Variants in INPP5F observed in about 807,000 individuals in gnomAD.
The protein encoded by INPP5F is phosphatidylinositide 4-phosphatase SAC2.
Under a neutral mutation model 137.2 loss-of-function variants are expected in INPP5F, and 97 were observed. That is an observed-to-expected ratio of 0.71 (90% CI 0.60 to 0.84). The LOEUF (loss-of-function observed/expected upper bound fraction) is 0.84. Among genes scored for constraint, INPP5F ranks in the 40% least tolerant of loss-of-function variants. INPP5F has a pLI of 0.00. For missense variants in INPP5F, 1,271 were observed against 1,371.9 expected, an observed-to-expected ratio of 0.93 and a Z score of 1.16; for synonymous variants, 504 against 476.9, an observed-to-expected ratio of 1.06 and a Z score of -0.74.
chr10:119,742,095 T>G (rs1406804430), intron 1 of INPP5F, among the ~76,000 whole-genome samples: 1 of 152,148 alleles, frequency 6.6e-6, no homozygotes, highest in Non-Finnish European at 1.5e-5. Flanking sequence ...AATGCTGGGT[T>G]TACAGGCATA....
intron 3 of INPP5F, among the ~76,000 whole-genome samples, chr10:119,785,459 G>C (rs1849862657): frequency 6.7e-6 from 1 of 149,172 alleles, no homozygotes; most frequent in African/African-American, 2.5e-5. Context: ...CTCATTTTTT[G>C]TATTTTTAGC....
At chr10:119,817,762 A>G (rs906216421) in intron 15 of INPP5F, among the ~76,000 whole-genome samples, 4 of 152,222 alleles carry the variant, frequency 2.6e-5, no homozygotes, top group African/African-American at 7.2e-5. Context: ...CGATTATGCA[A>G]CTACAGGGAT....
rs1401920781 is a variant in INPP5F, at chr10:119,794,842, G to A, written c.670-1873G>A. 6.2e-5 allele frequency among the ~76,000 whole-genome samples: 7 copies of A among 112,672 alleles called. 1 individual carries two copies. The highest frequency in any genetic ancestry group is 1.6e-4 in the Admixed American group (2 of 12,290). The allele number at this position is 112,672 out of a possible 152,430, so 73.9% of individuals were successfully genotyped here. On this transcript the variant is annotated intron_variant, in intron 6 of 19. Coordinates refer to ENST00000650623, the MANE Select transcript of INPP5F (RefSeq NM_014937.4). ...TCCCAGAAGGGGCGGCTGGCCGGGC[G>A]GGGGTCTGACCCCCTCCCCACCTCC...
intron 15 of INPP5F, among the ~76,000 whole-genome samples, chr10:119,812,603 A>C (rs1851086428): frequency 6.6e-6 from 1 of 152,192 alleles, no homozygotes; most frequent in Non-Finnish European, 1.5e-5. Context: ...GTGTGTTTTT[A>C]GTAAGAGGGG....
At chr10:119,806,157 A>G (rs750076276) in intron 11 of INPP5F, among the ~76,000 whole-genome samples, 1 of 151,516 alleles carries the variant, frequency 6.6e-6, no homozygotes, top group African/African-American at 2.4e-5. Context: ...TTTCCTTAAG[A>G]TGAGGATAAT....
chr10:119,796,436 C>T (rs1383424072), intron 6 of INPP5F, among the ~76,000 whole-genome samples: 2 of 152,122 alleles, frequency 1.3e-5, no homozygotes, highest in African/African-American at 4.8e-5. Context: ...AGAAGGACAG[C>T]GACGGCAAGG....
chr10:119,745,402 CA>C lies in INPP5F; in HGVS notation c.98-5672del, dbSNP rs796153507. On this transcript the variant is annotated intron_variant, in intron 1 of 19. Transcript: ENST00000650623. The stretch of plus-strand genomic sequence containing the variant: ...TTTTCCATGACCTTTCATGTCATTT[CA>C]AGCCAAGACTTTTGCAGTAACCCAA... 3.4e-5 allele frequency among the ~76,000 whole-genome samples: 5 copies of C among 147,926 alleles called. No individual in the cohort carries two copies. The South Asian group carries it at 1.1e-3, about 31-fold the overall frequency.
At position 119,797,546 on chromosome 10, in the gene INPP5F, T is replaced by A. The variant is rs143196750; in HGVS notation, c.954T>A (p.Asn318Lys). 18 of 1,612,868 alleles carry A rather than the reference T, an allele frequency of 1.1e-5. No homozygotes were observed. The African/African-American group carries it at 2.3e-4, about 20-fold the overall frequency. ...VETEQLIHVHNHTLSFVQTRG... is the reference protein window; with the variant it reads ...VETEQLIHVHKHTLSFVQTRG... ...CTGAGCAGTTGATTCATGTTCATAA[T>A]CATACCCTGTCATTTGTTCAAACAC... Residue 318 changes from asparagine to lysine, a missense_variant, in exon 8 of 20, where the codon AAT becomes AAA. Physicochemically the swap from Asn to Lys is moderately conservative, Grantham distance 94. Transcript: ENST00000650623.
chr10:119,807,795 A>T (rs894455080), intron 12 of INPP5F, 137 bp from the exon 13 acceptor site: 4 of 720,404 alleles, frequency 5.6e-6, no homozygotes, highest in African/African-American at 3.6e-5. Context: ...TTTATTAAAA[A>T]TGAGTCTGAA....
intron 1 of INPP5F, among the ~76,000 whole-genome samples, 183 bp from the exon 2 acceptor site, chr10:119,750,893 A>G (rs1848673089): frequency 6.6e-6 from 1 of 152,216 alleles, no homozygotes; most frequent in Admixed American, 6.5e-5. Context: ...ATTGTATCCC[A>G]AGCCTTATTC....
intron 2 of INPP5F, among the ~76,000 whole-genome samples, chr10:119,764,364 C>CACAA (rs1564815217): frequency 1.3e-5 from 2 of 152,096 alleles, no homozygotes; most frequent in African/African-American, 4.8e-5. Context: ...CACACACAAA[C>CACAA]ACACACAGTT....
At chr10:119,742,422 C>G (rs1848403521) in intron 1 of INPP5F, among the ~76,000 whole-genome samples, 1 of 152,088 alleles carries the variant, frequency 6.6e-6, no homozygotes, top group African/African-American at 2.4e-5. Context: ...TCCCAAAGTG[C>G]TGGCATTACA....
intron 1 of INPP5F, among the ~76,000 whole-genome samples, chr10:119,726,860 T>A (rs185387084): frequency 4.1e-4 from 63 of 152,378 alleles, no homozygotes; most frequent in African/African-American, 1.4e-3. Context: ...ATTAAAGGTG[T>A]GACTTTACTG....
rs535812117 is a variant in INPP5F, at chr10:119,809,461, G to C, written c.1570-639G>C. Among the ~76,000 whole-genome samples, 17 of 152,088 alleles carry C rather than the reference G, an allele frequency of 1.1e-4. No homozygotes were observed. The South Asian group carries it at 3.5e-3, about 32-fold the overall frequency. On this transcript the variant is annotated intron_variant, in intron 13 of 19. Coordinates refer to ENST00000650623, the MANE Select transcript of INPP5F (RefSeq NM_014937.4). ...AGATTGCCTTGGAGAGAAATAGAGGGGTTGGGATGGGGAAAAAGAGACTAC... is the reference window on the plus strand; with the variant it reads ...AGATTGCCTTGGAGAGAAATAGAGGCGTTGGGATGGGGAAAAAGAGACTAC...
chr10:119,738,980 G>T (rs1848298319), intron 1 of INPP5F, among the ~76,000 whole-genome samples: 1 of 151,024 alleles, frequency 6.6e-6, no homozygotes, highest in Non-Finnish European at 1.5e-5. Flanking sequence ...CCAGGAGTTT[G>T]AGACCAGGCT....
intron 2 of INPP5F, among the ~76,000 whole-genome samples, chr10:119,767,996 AGAAAG>A (rs77066016): frequency 0.042 from 6,328 of 152,304 alleles, 231 homozygotes; most frequent in South Asian, 0.22. Flanking sequence ...GTTACAGAGA[AGAAAG>A]GAAAGGCGAG....
At chr10:119,819,565 C>T (rs1034083110) in intron 15 of INPP5F, 5 of 1,570,808 alleles carry the variant, frequency 3.2e-6, no homozygotes, top group Non-Finnish European at 4.3e-6. Flanking sequence ...TAAAACTTAA[C>T]ATTTTACAGT....
intron 2 of INPP5F, among the ~76,000 whole-genome samples, chr10:119,781,416 A>C (rs976153254): frequency 2.0e-5 from 3 of 152,258 alleles, no homozygotes; most frequent in Non-Finnish European, 2.9e-5. Context: ...ATGGTGTCAC[A>C]ACTGGTTTTA....
At chr10:119,822,202 T>TA (rs1317736597) in intron 16 of INPP5F, among the ~76,000 whole-genome samples, 2 of 152,294 alleles carry the variant, frequency 1.3e-5, no homozygotes, top group East Asian at 1.9e-4. Flanking sequence ...TTGCTTTTTT[T>TA]AACTGTTAGA....
Sources: gnomAD v4.1 joint callset for allele counts (sites outside exome capture counted in the v4.1 genomes callset) on GRCh38, gnomAD v4.1.1 for gene constraint, MANE v1.5 for transcripts, NCBI Gene and HGNC (gene_info 2026-07-23, HGNC 2026-07-21) for gene names.